Variants in PTPRT observed in about 807,000 individuals in gnomAD.
The protein encoded by PTPRT is receptor-type tyrosine-protein phosphatase T.
In PTPRT, 56 loss-of-function variants were observed where a neutral mutation model predicts 176.8. The observed-to-expected ratio is 0.32, with a 90% CI of 0.26 to 0.40. The LOEUF (loss-of-function observed/expected upper bound fraction) is 0.40. Ranked by LOEUF, PTPRT falls within the 10% of genes least tolerant of loss-of-function variation. PTPRT has a pLI of 1.00. For missense variants in PTPRT, 1,540 were observed against 1,908.2 expected, an observed-to-expected ratio of 0.81 and a Z score of 3.60; for synonymous variants, 783 against 739.0, an observed-to-expected ratio of 1.06 and a Z score of -0.96.
At chr20:42,610,435 G>C (rs1238584170) in intron 7 of PTPRT, among the ~76,000 whole-genome samples, 6 of 150,746 alleles carry the variant, frequency 4.0e-5, no homozygotes, top group Non-Finnish European at 7.4e-5. Flanking sequence ...GACCAGTCTG[G>C]TCTCGAACTT....
At chr20:42,483,534 T>C (rs1601107361) in intron 7 of PTPRT, among the ~76,000 whole-genome samples, 2 of 152,334 alleles carry the variant, frequency 1.3e-5, no homozygotes, top group East Asian at 3.9e-4. Flanking sequence ...AAAGCTTCTC[T>C]CGCCCAGTTG....
chr20:42,740,455 G>A (rs917452323), intron 6 of PTPRT, among the ~76,000 whole-genome samples: 34 of 152,150 alleles, frequency 2.2e-4, no homozygotes, highest in Admixed American at 2.1e-3. Flanking sequence ...CCTGCTCTGT[G>A]CAGCCCCTGC....
chr20:42,871,516 G>A (rs898818085), intron 2 of PTPRT, among the ~76,000 whole-genome samples: 6 of 151,860 alleles, frequency 4.0e-5, no homozygotes, highest in Admixed American at 6.6e-5. Flanking sequence ...TGCTCTTGTC[G>A]CCTGTACTTT....
rs763631817 is a variant in PTPRT, at chr20:42,102,271, C to T, written c.3567G>A (p.Val1189=). The part of the protein sequence containing the change: ...FQTLNIVTPR[V]RPEDCSIGLL... ...GCCCAATGCTGCAGTCCTCGGGCCG[C>T]ACACGGGGTGTCACAATGTTGAGGG... Residue 1189 remains valine (V), a synonymous_variant, in exon 26 of 31, where the codon GTG becomes GTA. Transcript: ENST00000373187. The T allele has an allele frequency of 1.3e-5, 21 of 1,614,116 alleles. No homozygotes were observed. Among genetic ancestry groups the T allele is most frequent in the Non-Finnish European group, 1.8e-5 (21 of 1,179,994 alleles).
intron 7 of PTPRT, among the ~76,000 whole-genome samples, chr20:42,569,047 C>CAAAAA (rs869193461): frequency 1.5e-4 from 3 of 20,446 alleles, no homozygotes; most frequent in Non-Finnish European, 2.6e-4. Flanking sequence ...GACTCCATCT[C>CAAAAA]AAAAAAAAAA....
chr20:42,899,789 A>T (rs895182582), intron 1 of PTPRT, among the ~76,000 whole-genome samples: 1 of 152,228 alleles, frequency 6.6e-6, no homozygotes, highest in Non-Finnish European at 1.5e-5. Flanking sequence ...TCAGAAGCAC[A>T]AGATTTGGTA....
intron 1 of PTPRT, among the ~76,000 whole-genome samples, chr20:43,164,526 G>C (rs575378062): frequency 6.6e-6 from 1 of 152,212 alleles, no homozygotes. Context: ...GTCCCAAGTA[G>C]AGGGAACAAC....
chr20:42,085,054 C>T (rs930841993), intron 28 of PTPRT, among the ~76,000 whole-genome samples: 6 of 152,114 alleles, frequency 3.9e-5, no homozygotes, highest in Non-Finnish European at 7.4e-5. Context: ...CCCTTTTGTA[C>T]CTGAAAAACT....
At chr20:43,065,134 AAGAG>A (rs1456636281) in intron 1 of PTPRT, among the ~76,000 whole-genome samples, 2 of 152,216 alleles carry the variant, frequency 1.3e-5, no homozygotes, top group Non-Finnish European at 2.9e-5. Flanking sequence ...CCAAGCACAC[AAGAG>A]GTGCACTCAT....
rs192484484 is a variant in PTPRT at position 43,142,473 on chromosome 20, C to T, written c.88+47173G>A. On this transcript the variant is annotated intron_variant, in intron 1 of 30. Coordinates refer to ENST00000373187, the MANE Select transcript of PTPRT (RefSeq NM_007050.6). ...AAAGAAGAGTGAGTCCCAGGCATGT[C>T]TTTCCTGGGGAAACAGCCCTGCCTG... is the stretch of plus-strand genomic sequence containing the variant. 4.3e-3 allele frequency among the ~76,000 whole-genome samples: 654 copies of T among 152,344 alleles called. 1 individual carries two copies. Among genetic ancestry groups the T allele is most frequent in the Middle Eastern group, 0.041 (12 of 294 alleles).
intron 2 of PTPRT, among the ~76,000 whole-genome samples, chr20:42,884,173 G>A (rs1042841891): frequency 6.6e-6 from 1 of 152,088 alleles, no homozygotes; most frequent in African/African-American, 2.4e-5. Flanking sequence ...AACAGACAGA[G>A]GTTGTTCCAC....
Position 42,259,636 on chromosome 20 carries a change from C to A in PTPRT, c.2177-10814G>T, listed in dbSNP as rs543743142. Among the ~76,000 whole-genome samples the A allele has an allele frequency of 2.0e-5, 3 of 152,290 alleles. No homozygotes were observed. In the East Asian group the frequency reaches 5.8e-4, roughly 29 times the overall value. ...GTTGTCTAAGAAACCAAGTATAGGG[C>A]ATACTTTGTAGACTGGGTTAGGTTT... On this transcript the variant is annotated intron_variant, in intron 13 of 30. Coordinates refer to ENST00000373187, the MANE Select transcript of PTPRT (RefSeq NM_007050.6).
chr20:42,899,241 A>G (rs1454658264), intron 1 of PTPRT, among the ~76,000 whole-genome samples: 1 of 152,248 alleles, frequency 6.6e-6, no homozygotes, highest in East Asian at 1.9e-4. Flanking sequence ...AAAGAAACAG[A>G]TGGCCATGGG....
chr20:42,698,257 T>C (rs1600628807), intron 6 of PTPRT, among the ~76,000 whole-genome samples: 1 of 152,284 alleles, frequency 6.6e-6, no homozygotes, highest in Middle Eastern at 3.4e-3. Context: ...TTAGGGGTTT[T>C]AAGGTCAATT....
chr20:42,095,566 T>C (rs1985120404), intron 27 of PTPRT, among the ~76,000 whole-genome samples: 1 of 152,238 alleles, frequency 6.6e-6, no homozygotes, highest in Admixed American at 6.5e-5. Flanking sequence ...ACCTTGACAA[T>C]CCTATTGCAA....
At chr20:42,739,867 A>G (rs1169427848) in intron 6 of PTPRT, among the ~76,000 whole-genome samples, 1 of 152,202 alleles carries the variant, frequency 6.6e-6, no homozygotes, top group Non-Finnish European at 1.5e-5. Context: ...GGTGCATGCC[A>G]GTGGGAGCCC....
At chr20:42,311,776 CTTTA>C (rs1229628610) in intron 12 of PTPRT, among the ~76,000 whole-genome samples, 2 of 151,764 alleles carry the variant, frequency 1.3e-5, no homozygotes, top group African/African-American at 4.8e-5. Context: ...TTATAGTTTT[CTTTA>C]TTTTCTTCAT....
intron 2 of PTPRT, among the ~76,000 whole-genome samples, chr20:42,807,559 A>T (rs2077629365): frequency 1.3e-5 from 2 of 151,750 alleles, no homozygotes; most frequent in East Asian, 1.9e-4. Context: ...TTTTCTGGTT[A>T]TTTTTTTTAC....
intron 7 of PTPRT, among the ~76,000 whole-genome samples, chr20:42,664,254 G>C (rs2075275221): frequency 6.6e-6 from 1 of 152,146 alleles, no homozygotes; most frequent in East Asian, 1.9e-4. Context: ...TAAAGTTAGA[G>C]CTTTTTATGT....
Sources: gnomAD v4.1 joint callset for allele counts (sites outside exome capture counted in the v4.1 genomes callset) on GRCh38, gnomAD v4.1.1 for gene constraint, MANE v1.5 for transcripts, NCBI Gene and HGNC (gene_info 2026-07-23, HGNC 2026-07-21) for gene names.